The following SLC38A12 variants were observed in gnomAD, a reference collection of about 807,000 sequenced individuals.
SLC38A12 encodes putative sodium-coupled neutral amino acid transporter 12.
the SLC38A12 span, chr17:74,839,464 A>G: frequency 4.2e-6 from 1 of 235,890 alleles, no homozygotes; most frequent in Admixed American, 5.0e-5. Context: ...GTTAAGGGCC[A>G]CTGGAAAGCT....
the SLC38A12 span, chr17:74,837,096 C>T: frequency 1.0e-6 from 1 of 998,816 alleles, no homozygotes; most frequent in Non-Finnish European, 1.2e-6. Context: ...TCTCCTGCCC[C>T]ATCCTGCGTC....
the SLC38A12 span, among the ~76,000 whole-genome samples, chr17:74,787,199 G>C: frequency 6.6e-6 from 1 of 152,164 alleles, no homozygotes; most frequent in Non-Finnish European, 1.5e-5. Flanking sequence ...GGTTTAACTG[G>C]TGTGGGGCCA....
chr17:74,788,782 C>T, the SLC38A12 span: 2 of 1,612,388 alleles, frequency 1.2e-6, no homozygotes, highest in South Asian at 1.1e-5. Context: ...GCACTCGGCC[C>T]CCTCAGCTTC....
chr17:74,801,020 CA>C, the SLC38A12 span, among the ~76,000 whole-genome samples: 1 of 152,176 alleles, frequency 6.6e-6, no homozygotes, highest in Non-Finnish European at 1.5e-5. Context: ...AGCCTCACAC[CA>C]AACCAAGACG....
the SLC38A12 span, among the ~76,000 whole-genome samples, chr17:74,821,718 A>ACC: frequency 6.6e-6 from 1 of 151,920 alleles, no homozygotes; most frequent in Non-Finnish European, 1.5e-5. Flanking sequence ...TTTAGAGAAA[A>ACC]CCGTTCTCCC....
chr17:74,790,003 G>A, the SLC38A12 span, among the ~76,000 whole-genome samples: 1 of 149,776 alleles, frequency 6.7e-6, no homozygotes, highest in South Asian at 2.1e-4. Flanking sequence ...ACCCAGGCTG[G>A]AGTGCAGTGT....
the SLC38A12 span, among the ~76,000 whole-genome samples, chr17:74,785,841 A>G: frequency 6.6e-6 from 1 of 152,130 alleles, no homozygotes; most frequent in Non-Finnish European, 1.5e-5. Flanking sequence ...CTGGACATCC[A>G]CTAGGCTTTG....
the SLC38A12 span, among the ~76,000 whole-genome samples, chr17:74,806,210 A>C: frequency 1.3e-5 from 2 of 151,936 alleles, no homozygotes; most frequent in African/African-American, 4.8e-5. Flanking sequence ...TGTTCTTAGG[A>C]CCTGTGAGGA....
the SLC38A12 span, among the ~76,000 whole-genome samples, chr17:74,778,959 C>T: frequency 6.6e-6 from 1 of 152,086 alleles, no homozygotes; most frequent in Non-Finnish European, 1.5e-5. Context: ...TGAGCCACTG[C>T]ACCCAGCCTC....
chr17:74,811,154 A>G, the SLC38A12 span, among the ~76,000 whole-genome samples: 1 of 151,990 alleles, frequency 6.6e-6, no homozygotes, highest in Non-Finnish European at 1.5e-5. Flanking sequence ...ATATGGTAAG[A>G]CCCTGTCTCT....
chr17:74,825,541 G>A, the SLC38A12 span, among the ~76,000 whole-genome samples: 1 of 152,228 alleles, frequency 6.6e-6, no homozygotes. Context: ...GGACTGACCT[G>A]AGAGTTCACT....
the SLC38A12 span, among the ~76,000 whole-genome samples, chr17:74,785,863 G>A: frequency 1.3e-5 from 2 of 152,296 alleles, no homozygotes; most frequent in East Asian, 1.9e-4. Context: ...AATGTTTCAC[G>A]TGATGCTGGC....
the SLC38A12 span, among the ~76,000 whole-genome samples, chr17:74,800,259 G>A: frequency 6.6e-6 from 1 of 152,234 alleles, no homozygotes; most frequent in African/African-American, 2.4e-5. Context: ...TTTCAAGTTG[G>A]TGGGGTGACC....
At chr17:74,826,863 C>T in the SLC38A12 span, among the ~76,000 whole-genome samples, 26 of 152,108 alleles carry the variant, frequency 1.7e-4, no homozygotes, top group Non-Finnish European at 2.1e-4. Flanking sequence ...AAGATGCTGG[C>T]GGTGGTGGGG....
chr17:74,781,958 C>T, the SLC38A12 span, among the ~76,000 whole-genome samples: 1 of 152,232 alleles, frequency 6.6e-6, no homozygotes, highest in Non-Finnish European at 1.5e-5. Flanking sequence ...GTCTCTCCCT[C>T]GTCTATTGCC....
At chr17:74,805,656 ACGTC>A in the SLC38A12 span, among the ~76,000 whole-genome samples, 9 of 152,146 alleles carry the variant, frequency 5.9e-5, no homozygotes, top group Non-Finnish European at 1.3e-4. This position sits in a 1 kb window ranked among gnomAD's most constrained non-coding sequence, Gnocchi z 5.0. Context: ...TCAAGGCCAG[ACGTC>A]AGCAGAAAAG....
the SLC38A12 span, chr17:74,839,412 C>T: frequency 2.0e-5 from 7 of 345,598 alleles, no homozygotes; most frequent in South Asian, 1.3e-4. Flanking sequence ...GAAGTGGAAG[C>T]GTCCTGTCTG....
chr17:74,797,385 C>T, the SLC38A12 span, among the ~76,000 whole-genome samples: 1 of 152,156 alleles, frequency 6.6e-6, no homozygotes, highest in African/African-American at 2.4e-5. Flanking sequence ...TCATCAGAGC[C>T]TGCAAAAGCC....
chr17:74,837,609 C>T, the SLC38A12 span: 3 of 985,348 alleles, frequency 3.0e-6, no homozygotes, highest in African/African-American at 5.2e-5. Flanking sequence ...GCTCCCACTC[C>T]AACACTAAAA....
Sources: allele counts gnomAD v4.1 joint callset (sites outside exome capture counted in the v4.1 genomes callset), GRCh38; gene constraint gnomAD v4.1.1; non-coding constraint Gnocchi (gnomAD v3.1); transcripts MANE v1.5; gene names NCBI Gene and HGNC (gene_info 2026-07-23, HGNC 2026-07-21).